MESD: variants seen among roughly 807,000 people sequenced by gnomAD.
MESD encodes the protein mesoderm development LRP chaperone, also known as LRP chaperone MESD.
A neutral mutation model predicts 12.9 loss-of-function variants in MESD; 7 were observed. That is an observed-to-expected ratio of 0.54 (90% confidence interval 0.31 to 1.02). The LOEUF (loss-of-function observed/expected upper bound fraction) is 1.02. Ranked by LOEUF, MESD falls within the 50% of genes least tolerant of loss-of-function variation. MESD has a pLI of 0.05. For missense variants in MESD, 342 were observed against 296.7 expected (o/e 1.15, Z -1.12); for synonymous variants, 126 against 115.6 (o/e 1.09, Z -0.58).
chr15:80,984,446 A>C (rs11072968), intron 1 of MESD, among the ~76,000 whole-genome samples: 25,926 of 152,142 alleles, frequency 0.17, 2,346 homozygotes, highest in African/African-American at 0.24. Flanking sequence ...GAAATGAAGT[A>C]CTGATTGATA....
intron 3 of MESD, among the ~76,000 whole-genome samples, chr15:80,964,497 C>T (rs569105023): frequency 7.2e-5 from 11 of 152,256 alleles, no homozygotes; most frequent in African/African-American, 2.6e-4. Context: ...AAAAAGAGCC[C>T]GCATAACTAA....
chr15:80,976,009 GTTTT>G lies in MESD; in HGVS notation c.*3206_*3209del, dbSNP rs1902404948. 6.6e-6 allele frequency: 1 copy of G among 152,036 alleles called. No homozygotes were observed. The highest frequency in any genetic ancestry group is 6.6e-5 in the Admixed American group (1 of 15,234). 9.4% of individuals were successfully genotyped at this position (152,036 alleles called of 1,614,324 possible). A position where few individuals can be genotyped will look rare whatever the true frequency, so the allele number is the denominator to read the frequency against. ...ATTTCTCTTAAAAAATTTTTGTTTCGTTTTTTTGAGACAGAGTCTCATCCCGTCA... is the reference window on the plus strand; with the variant it reads ...ATTTCTCTTAAAAAATTTTTGTTTCGTTTGAGACAGAGTCTCATCCCGTCA... On this transcript the variant is annotated 3_prime_UTR_variant, in exon 3 of 3. Transcript: ENST00000261758.
chr15:80,989,557 AGG>A lies in MESD; in HGVS notation c.213+20_213+21del, dbSNP rs1201926371. 29 of 1,608,876 alleles carry A rather than the reference AGG, an allele frequency of 1.8e-5. No individual in the cohort carries two copies. The highest frequency in any genetic ancestry group is 2.4e-5 in the Non-Finnish European group (28 of 1,177,028). On this transcript the variant is annotated intron_variant, in intron 1 of 2. Coordinates refer to ENST00000261758, the MANE Select transcript of MESD (RefSeq NM_015154.3). ...GGGTCCCGCACAGAGAAGAGCCGGGAGGGTGTGCGCGCGCCGCGGACCTCCCA... is the reference window on the plus strand; with the variant it reads ...GGGTCCCGCACAGAGAAGAGCCGGGAGTGTGCGCGCGCCGCGGACCTCCCA...
intron 1 of MESD, among the ~76,000 whole-genome samples, chr15:80,983,771 A>G (rs1481031199): frequency 6.6e-6 from 1 of 152,202 alleles, no homozygotes; most frequent in Non-Finnish European, 1.5e-5. Flanking sequence ...CTCATGGGCC[A>G]AAGTTGAAAT....
chr15:80,947,045 A>G (rs755979638), downstream of MESD: 1 of 1,613,588 alleles, frequency 6.2e-7, no homozygotes, highest in South Asian at 1.1e-5. Flanking sequence ...CTTGGGGCAG[A>G]CAGGGGTCTC....
chr15:80,964,641 G>C (rs972889300), intron 3 of MESD, among the ~76,000 whole-genome samples: 1 of 152,180 alleles, frequency 6.6e-6, no homozygotes, highest in South Asian at 2.1e-4. Flanking sequence ...AAACAGAACA[G>C]AGGCCTGAGA....
Position 80,979,033 on chromosome 15 carries a change from T to C in MESD, c.*186A>G. The C allele has an allele frequency of 2.9e-6, 2 of 696,302 alleles. No individual in the cohort carries two copies. The highest frequency in any genetic ancestry group is 4.1e-5 in the South Asian group (2 of 48,928). The allele number at this position is 696,302 out of a possible 1,614,324, so 43.1% of individuals were successfully genotyped here. On this transcript the variant is annotated 3_prime_UTR_variant, in exon 3 of 3. Coordinates refer to ENST00000261758, the MANE Select transcript of MESD (RefSeq NM_015154.3). Reference sequence around the variant, plus strand: ...TCCAGTATTAATTAGAAAACATCTGTCTTCTTACTTGAAGCCTATTAAGCA... The same window carrying C: ...TCCAGTATTAATTAGAAAACATCTGCCTTCTTACTTGAAGCCTATTAAGCA...
intron 1 of MESD, among the ~76,000 whole-genome samples, chr15:80,986,912 A>G (rs17328684): frequency 0.034 from 5,136 of 152,328 alleles, 121 homozygotes; most frequent in Admixed American, 0.093. Context: ...CTCTACATAT[A>G]TTATCTCCAA....
chr15:80,946,918 T>C, downstream of MESD: 2 of 1,329,414 alleles, frequency 1.5e-6, no homozygotes, highest in South Asian at 2.4e-5. Context: ...GCCCACTTTC[T>C]CCAGTTTGCT....
Position 80,979,168 on chromosome 15 carries a change from A to G in MESD, c.*51T>C, listed in dbSNP as rs374879184. 312 of 1,573,908 alleles carry G rather than the reference A, an allele frequency of 2.0e-4. No individual in the cohort carries two copies. The highest frequency in any genetic ancestry group is 2.6e-4 in the Non-Finnish European group (298 of 1,160,606). ...CCACTCCCACCCCAGGAGCTGGGCA[A>G]AGAGCTCTCCACGTCCACCTGTCCC... On this transcript the variant is annotated 3_prime_UTR_variant, in exon 3 of 3. Coordinates refer to ENST00000261758, the MANE Select transcript of MESD (RefSeq NM_015154.3).
At chr15:80,946,301 G>T (rs1376777367), downstream of MESD, 2 of 152,972 alleles carry the variant, frequency 1.3e-5, no homozygotes, top group Non-Finnish European at 2.9e-5. Context: ...CTAGCATGGG[G>T]CTTCTCGAGC....
intron 2 of MESD, 73 bp from the exon 3 acceptor site, chr15:80,979,550 G>A: frequency 1.3e-6 from 2 of 1,487,106 alleles, no homozygotes; most frequent in Non-Finnish European, 1.8e-6. Context: ...CAATTCTCTG[G>A]CACTTATCAG....
chr15:80,948,434 C>A, exon 5 of MESD: 1 of 355,212 alleles, frequency 2.8e-6, no homozygotes, highest in Non-Finnish European at 5.5e-6. Flanking sequence ...CACTGGGCTT[C>A]AGAGAGGGGC....
rs3743041 is a variant in MESD, at chr15:80,977,899, T to C, written c.*1320A>G. On this transcript the variant is annotated 3_prime_UTR_variant, in exon 3 of 3. Coordinates refer to ENST00000261758, the MANE Select transcript of MESD (RefSeq NM_015154.3). Reference sequence around the variant, plus strand: ...GGCATGGCCTGGAGGGTGGGGGGACTGCAGGGCAAATGTCCCATCCAAAGC... The same window carrying C: ...GGCATGGCCTGGAGGGTGGGGGGACCGCAGGGCAAATGTCCCATCCAAAGC... 26,275 of 152,204 alleles carry C rather than the reference T, an allele frequency of 0.17. 2,430 individuals carry two copies. The highest frequency in any genetic ancestry group is 0.25 in the African/African-American group (10,386 of 41,492). The allele number at this position is 152,204 out of a possible 1,614,324, so 9.4% of individuals were successfully genotyped here.
At chr15:80,959,161 A>G (rs1902041285) in intron 3 of MESD, among the ~76,000 whole-genome samples, 1 of 152,242 alleles carries the variant, frequency 6.6e-6, no homozygotes. Flanking sequence ...CAGGTCATCC[A>G]GCTGCTGTTG....
chr15:80,969,419 G>A (rs1902240370), intron 3 of MESD, among the ~76,000 whole-genome samples: 1 of 152,022 alleles, frequency 6.6e-6, no homozygotes, highest in African/African-American at 2.4e-5. Context: ...ACTTATTGGT[G>A]TTCAGCACTT....
downstream of MESD, among the ~76,000 whole-genome samples, chr15:80,974,157 T>C (rs1902353708): frequency 1.3e-5 from 2 of 152,158 alleles, no homozygotes; most frequent in South Asian, 4.1e-4. Flanking sequence ...CACACAGCCT[T>C]GTCTGAGCCC....
chr15:80,979,493 GCAAT>G lies in MESD; in HGVS notation c.447-20_447-17del, dbSNP rs1444760507. Reference sequence around the variant, plus strand: ...CACAATGAACCTTGGGCAGAGAGATGCAATCAGTCAGCCAGCACGTACTAGTAAG... The same window carrying G: ...CACAATGAACCTTGGGCAGAGAGATGCAGTCAGCCAGCACGTACTAGTAAG... On this transcript the variant is annotated splice_polypyrimidine_tract_variant and intron_variant, in intron 2 of 2. Transcript: ENST00000261758. The G allele has an allele frequency of 5.6e-6, 9 of 1,610,710 alleles. No individual in the cohort carries two copies. Among genetic ancestry groups the G allele is most frequent in the Non-Finnish European group, 7.6e-6 (9 of 1,177,480 alleles).
At chr15:80,952,755 C>G (rs1334632610) in intron 3 of MESD, among the ~76,000 whole-genome samples, 1 of 152,178 alleles carries the variant, frequency 6.6e-6, no homozygotes, top group Non-Finnish European at 1.5e-5. Flanking sequence ...GGCAGACTAG[C>G]TTTGGGCATA....
Sources: gnomAD v4.1 joint callset for allele counts (sites outside exome capture counted in the v4.1 genomes callset) on GRCh38, gnomAD v4.1.1 for gene constraint, MANE v1.5 for transcripts, NCBI Gene and HGNC (gene_info 2026-07-23, HGNC 2026-07-21) for gene names.